Variants in PTPRN observed in about 807,000 individuals in gnomAD.
The protein encoded by PTPRN is receptor-type tyrosine-protein phosphatase-like N.
Under a neutral mutation model 108.5 loss-of-function variants are expected in PTPRN, and 70 were observed. That is an observed-to-expected ratio of 0.65 (90% CI 0.53 to 0.79). PTPRN has a LOEUF of 0.79. Among genes scored for constraint, PTPRN ranks in the 30% least tolerant of loss-of-function variants. The pLI is 0.00. For missense variants in PTPRN, 1,136 were observed against 1,295.5 expected (o/e 0.88, Z 1.89); for synonymous variants, 496 against 524.6 (o/e 0.95, Z 0.75).
At chr2:219,298,963 G>T in intron 12 of PTPRN, 84 bp downstream of exon 12, 2 of 1,529,628 alleles carry the variant, frequency 1.3e-6, no homozygotes, top group Non-Finnish European at 9.1e-7. Flanking sequence ...TTCGGCTCCA[G>T]TTCTCCCCTC....
Position 219,296,499 on chromosome 2 carries a change from C to T in PTPRN, c.2328G>A (p.Arg776=), listed in dbSNP as rs1242910251. 2 of 1,614,094 alleles carry T rather than the reference C, an allele frequency of 1.2e-6. No homozygotes were observed. Among genetic ancestry groups the T allele is most frequent in the Non-Finnish European group, 1.7e-6 (2 of 1,180,020 alleles). Residue 776 remains arginine, a synonymous_variant, in exon 17 of 23, where the codon CGG becomes CGA. Coordinates refer to ENST00000295718, the MANE Select transcript of PTPRN (RefSeq NM_002846.4). The surrounding 1 kb of genome is among the most constrained non-coding windows in gnomAD (Gnocchi z 6.0). ...CCTGCGTGGCTATGTAGGCTGGCAT[C>T]CGAGGGTCATGCTCAATCTGGAGGC... is the stretch of plus-strand genomic sequence containing the variant. ...NASPIIEHDP[R]MPAYIATQGP... is the part of the protein sequence containing the mutation.
intron 19 of PTPRN, among the ~76,000 whole-genome samples, chr2:219,293,217 G>C (rs544220281): frequency 6.6e-6 from 1 of 152,148 alleles, no homozygotes; most frequent in African/African-American, 2.4e-5. Context: ...GTCTGGCTCT[G>C]TTGCCCAAGT....
chr2:219,302,024 T>A, intron 6 of PTPRN, 113 bp downstream of exon 6: 1 of 1,023,990 alleles, frequency 9.8e-7, no homozygotes, highest in Non-Finnish European at 1.4e-6. Flanking sequence ...TCCTTAAATG[T>A]ATGAATGACT....
chr2:219,303,912 C>T (rs1460899387), intron 3 of PTPRN, 81 bp from the exon 4 acceptor site: 17 of 1,043,474 alleles, frequency 1.6e-5, no homozygotes, highest in Non-Finnish European at 2.1e-5. Flanking sequence ...CAGAACTGTA[C>T]CCTCTGCCCT....
At chr2:219,299,415 T>G (rs1477150291) in intron 10 of PTPRN, 31 bp from the exon 11 acceptor site, 2 of 1,605,448 alleles carry the variant, frequency 1.2e-6, no homozygotes, top group African/African-American at 2.7e-5. Flanking sequence ...TACTGCCTTC[T>G]CCACCCCAGA....
In PTPRN at chr2:219,297,008, T is replaced by C; in HGVS notation, c.2213A>G (p.Asn738Ser). The change falls in exon 15 of 23, where the codon AAC (asparagine) becomes AGC (serine). Residue 738 changes from asparagine (N) to serine (S), a missense_variant. Asn to Ser is a conservative substitution (Grantham distance 46). Coordinates refer to ENST00000295718, the MANE Select transcript of PTPRN (RefSeq NM_002846.4). The surrounding 1 kb of genome is among the most constrained non-coding windows in gnomAD (Gnocchi z 6.0). ...TAQGEGNIKK[N>S]RHPDFLPYDH... ...ACAGGGCAGGAAGTCAGGATGCCGG[T>C]TCTTTTTGATGTTGCCCTCCCCCTG... 1.2e-6 allele frequency: 2 copies of C among 1,613,796 alleles called. No homozygotes were observed. Among genetic ancestry groups the C allele is most frequent in the South Asian group, 2.2e-5 (2 of 91,076 alleles).
chr2:219,294,201 G>C (rs1952117219), intron 19 of PTPRN: 1 of 482,326 alleles, frequency 2.1e-6, no homozygotes, highest in South Asian at 1.5e-5. Flanking sequence ...CAGCTGTGAG[G>C]GAGAGAGAGA....
chr2:219,302,044 A>G (rs1952361290), intron 6 of PTPRN, 93 bp downstream of exon 6: 1 of 1,185,958 alleles, frequency 8.4e-7, no homozygotes, highest in Admixed American at 2.5e-5. Context: ...TTTAAGGACA[A>G]GTTAACAAAC....
At position 219,289,994 on chromosome 2, in the gene PTPRN, C is replaced by T; in HGVS notation, c.*232G>A. The T allele has an allele frequency of 5.3e-6, 3 of 567,500 alleles. No individual in the cohort carries two copies. The highest frequency in any genetic ancestry group is 9.6e-6 in the Non-Finnish European group (3 of 313,068). The allele number at this position is 567,500 out of a possible 1,614,324, so 35.2% of individuals were successfully genotyped here. ...AATTGCTACCCATGTCCTTTCCTCT[C>T]CTCCTGGCTGCAGCACCCCCATGGG... is the stretch of plus-strand genomic sequence containing the variant. On this transcript the variant is annotated 3_prime_UTR_variant, in exon 23 of 23. Coordinates refer to ENST00000295718, the MANE Select transcript of PTPRN (RefSeq NM_002846.4).
chr2:219,297,135 G>A lies in PTPRN; in HGVS notation c.2089-3C>T, dbSNP rs1471174082. ...CGCAGGTGATCCTCCATGTATGCCTGTGGGGGCACCACGGTCTGGCTCTGG... is the reference window on the plus strand; with the variant it reads ...CGCAGGTGATCCTCCATGTATGCCTATGGGGGCACCACGGTCTGGCTCTGG... On this transcript the variant is annotated splice_polypyrimidine_tract_variant and splice_region_variant and intron_variant, in intron 14 of 22. Transcript: ENST00000295718. The surrounding 1 kb of genome is among the most constrained non-coding windows in gnomAD (Gnocchi z 6.0). 6.2e-7 allele frequency: 1 copy of A among 1,613,886 alleles called. No individual in the cohort carries two copies. The highest frequency in any genetic ancestry group is 2.2e-5 in the East Asian group (1 of 44,876).
rs1017499560 is a variant in PTPRN, at chr2:219,308,778, G to C, written c.115+440C>G. 4.9e-6 allele frequency: 6 copies of C among 1,217,532 alleles called. No homozygotes were observed. In the African/African-American group the frequency reaches 9.4e-5, roughly 19 times the overall value. 75.4% of individuals were successfully genotyped at this position (1,217,532 alleles called of 1,614,324 possible). A position where few individuals can be genotyped will look rare whatever the true frequency, so the allele number is the denominator to read the frequency against. ...AAACCCTGGCCTCTCTCTCTGCCCA[G>C]CTGGGACTCTATGTCTGCGGCCCAG... On this transcript the variant is annotated intron_variant, in intron 1 of 22. Coordinates refer to ENST00000295718, the MANE Select transcript of PTPRN (RefSeq NM_002846.4).
At position 219,302,811 on chromosome 2, in the gene PTPRN, C is replaced by A; in HGVS notation, c.404G>T (p.Gly135Val). ...DRSGLAPKRP[G>V]PAGELLLQDI... is the part of the protein sequence containing the mutation. The stretch of plus-strand genomic sequence containing the variant: ...CTGTAAAAGCAGCTCTCCAGCAGGA[C>A]CAGGTCTCTTGGGTGCCAAGCCAGA... The change falls in exon 5 of 23, where the codon GGT becomes GTT. Residue 135 changes from glycine (G) to valine (V), a missense_variant. Coordinates refer to ENST00000295718, the MANE Select transcript of PTPRN (RefSeq NM_002846.4). 2 of 1,613,280 alleles carry A rather than the reference C, an allele frequency of 1.2e-6. No individual in the cohort carries two copies. The highest frequency in any genetic ancestry group is 1.7e-6 in the Non-Finnish European group (2 of 1,179,766).
chr2:219,298,104 C>CA lies in PTPRN; in HGVS notation c.1669-2_1669-1insT. The stretch of plus-strand genomic sequence containing the variant: ...GAAGGACTGCAGCTGCCTCCTCCCT[C>CA]TGTGGGAACAAGGCTAGAATCAAGG... On this transcript the variant is annotated splice_acceptor_variant, in intron 12 of 22. Transcript: ENST00000295718. LOFTEE classifies it high-confidence loss of function. 6.2e-7 allele frequency: 1 copy of CA among 1,611,626 alleles called. No homozygotes were observed. The highest frequency in any genetic ancestry group is 8.5e-7 in the Non-Finnish European group (1 of 1,179,714).
intron 12 of PTPRN, among the ~76,000 whole-genome samples, chr2:219,298,645 G>A (rs1184687477): frequency 6.6e-6 from 1 of 152,242 alleles, no homozygotes; most frequent in Non-Finnish European, 1.5e-5. Context: ...GGCAGGTGGA[G>A]GTTGCAGTGA....
At chr2:219,293,114 A>C (rs1292242200) in intron 19 of PTPRN, among the ~76,000 whole-genome samples, 1 of 152,052 alleles carries the variant, frequency 6.6e-6, no homozygotes, top group Non-Finnish European at 1.5e-5. Context: ...TCACTTTCTT[A>C]GGGTCTCTTT....
Position 219,297,733 on chromosome 2 carries a change from C to T in PTPRN, c.1887+152G>A, listed in dbSNP as rs1285971250. On this transcript the variant is annotated intron_variant, in intron 13 of 22. Transcript: ENST00000295718. The surrounding 1 kb of genome is among the most constrained non-coding windows in gnomAD (Gnocchi z 6.0). Reference sequence around the variant, plus strand: ...TGCGTTCATAAAGGCCCCTACCATACTCCCTCCCACTGGGGCTTCTCCAGC... The same window carrying T: ...TGCGTTCATAAAGGCCCCTACCATATTCCCTCCCACTGGGGCTTCTCCAGC... The T allele has an allele frequency of 3.3e-6, 3 of 913,924 alleles. No homozygotes were observed. Among genetic ancestry groups the T allele is most frequent in the South Asian group, 1.7e-5 (1 of 57,408 alleles). 56.6% of individuals were successfully genotyped at this position (913,924 alleles called of 1,614,324 possible).
Position 219,290,743 on chromosome 2 carries a change from C to T in PTPRN, c.2794+83G>A. On this transcript the variant is annotated intron_variant, in intron 21 of 22. Coordinates refer to ENST00000295718, the MANE Select transcript of PTPRN (RefSeq NM_002846.4). This position sits in a 1 kb window ranked among gnomAD's most constrained non-coding sequence, Gnocchi z 4.2. The stretch of plus-strand genomic sequence containing the variant: ...GAGCCTGGAGGTTGACAACCTGCTC[C>T]TTCTGAGCTCCCAGGACCCTGTGTG... 4.6e-6 allele frequency: 7 copies of T among 1,530,610 alleles called. No individual in the cohort carries two copies. The highest frequency in any genetic ancestry group is 6.3e-6 in the Non-Finnish European group (7 of 1,105,872). The allele number at this position is 1,530,610 out of a possible 1,614,324, so 94.8% of individuals were successfully genotyped here. A position where few individuals can be genotyped will look rare whatever the true frequency, so the allele number is the denominator to read the frequency against.
intron 8 of PTPRN, 74 bp downstream of exon 8, chr2:219,300,869 T>C: frequency 1.3e-6 from 2 of 1,537,656 alleles, no homozygotes; most frequent in Non-Finnish European, 1.8e-6. Context: ...AGGTCCTGAA[T>C]TTGAAATTTA....
intron 12 of PTPRN, 42 bp from the exon 13 acceptor site, chr2:219,298,145 G>A (rs1034612220): frequency 2.5e-6 from 4 of 1,588,922 alleles, no homozygotes; most frequent in Non-Finnish European, 3.4e-6. Flanking sequence ...AGTGGCATAG[G>A]GAGGTTTCAG....
Sources: allele counts gnomAD v4.1 joint callset (sites outside exome capture counted in the v4.1 genomes callset), GRCh38; gene constraint gnomAD v4.1.1; non-coding constraint Gnocchi (gnomAD v3.1); transcripts MANE v1.5; gene names NCBI Gene and HGNC (gene_info 2026-07-23, HGNC 2026-07-21).